Variants in TMOD1 observed in about 807,000 individuals in gnomAD.
TMOD1 encodes the protein tropomodulin 1.
TMOD1 carries 17 observed loss-of-function variants against 40.6 expected under a neutral mutation model. That is an observed-to-expected ratio of 0.42 (90% CI 0.29 to 0.63). The LOEUF is 0.63. TMOD1 is among the 20% of genes least tolerant of loss of function. TMOD1 has a pLI of 0.22. For missense variants in TMOD1, 391 were observed against 447.6 expected, an observed-to-expected ratio of 0.87 and a Z score of 1.14; for synonymous variants, 181 against 175.0, an observed-to-expected ratio of 1.03 and a Z score of -0.27.
At chr9:97,579,357 A>G (rs1275010929) in intron 8 of TMOD1, among the ~76,000 whole-genome samples, 1 of 152,132 alleles carries the variant, frequency 6.6e-6, no homozygotes, top group African/African-American at 2.4e-5. Context: ...CTCATGGTCT[A>G]CAGCAGCACT....
At chr9:97,566,098 G>A (rs2131267868) in intron 7 of TMOD1, 143 bp downstream of exon 7, 1 of 623,310 alleles carries the variant, frequency 1.6e-6, no homozygotes, top group East Asian at 2.9e-5. Flanking sequence ...GGAGCCATGA[G>A]GGGTGTAGAG....
chr9:97,590,950 TTTTAA>T, intron 8 of TMOD1, among the ~76,000 whole-genome samples: 1 of 152,094 alleles, frequency 6.6e-6, no homozygotes, highest in East Asian at 1.9e-4. Context: ...GACAGCAGGG[TTTTAA>T]AAGTCTCCTT....
rs1403625356 is a variant in TMOD1 at position 97,553,262 on chromosome 9, G to A, written c.278-19G>A. On this transcript the variant is annotated intron_variant, in intron 3 of 9. Transcript: ENST00000259365. ...TCCATTGCAGCCACTCCCGTAACAG[G>A]TCCCCTGTGTGTTTGCAGGAAAGGT... The A allele has an allele frequency of 3.1e-6, 5 of 1,613,572 alleles. No homozygotes were observed. In the African/African-American group the frequency reaches 6.7e-5, roughly 22 times the overall value.
At chr9:97,555,533 G>C in intron 4 of TMOD1, 2 of 1,471,874 alleles carry the variant, frequency 1.4e-6, no homozygotes, top group Non-Finnish European at 1.8e-6. Flanking sequence ...ATTGTTATCT[G>C]TAACGACGCA....
chr9:97,600,318 A>AG lies in TMOD1; in HGVS notation c.*622dup. 1.0e-6 allele frequency: 1 copy of AG among 986,166 alleles called. No individual in the cohort carries two copies. The highest frequency in any genetic ancestry group is 1.2e-6 in the Non-Finnish European group (1 of 830,180). 61.1% of individuals were successfully genotyped at this position (986,166 alleles called of 1,614,324 possible). On this transcript the variant is annotated 3_prime_UTR_variant, in exon 10 of 10. Coordinates refer to ENST00000259365, the MANE Select transcript of TMOD1 (RefSeq NM_003275.4). ...CTTTTGCTGGATATGCAGAAATGAT[A>AG]GGAAAAAAACCAATGGTGAAATTTC...
chr9:97,507,891 C>A (rs1829614749), intron 1 of TMOD1, among the ~76,000 whole-genome samples: 1 of 152,164 alleles, frequency 6.6e-6, no homozygotes, highest in Non-Finnish European at 1.5e-5. Context: ...ATTGTCAAGA[C>A]AGGCCACTAG....
chr9:97,596,554 A>G (rs1305415045), intron 9 of TMOD1, among the ~76,000 whole-genome samples: 2 of 152,228 alleles, frequency 1.3e-5, no homozygotes, highest in Non-Finnish European at 2.9e-5. Flanking sequence ...CTAGGGAAGT[A>G]GGTAATTAAC....
intron 7 of TMOD1, among the ~76,000 whole-genome samples, chr9:97,568,609 G>T (rs1313657586): frequency 6.6e-6 from 1 of 152,200 alleles, no homozygotes; most frequent in Non-Finnish European, 1.5e-5. Flanking sequence ...GGAGCTGCGA[G>T]TAGCCCCACT....
intron 2 of TMOD1, among the ~76,000 whole-genome samples, chr9:97,538,699 T>G (rs1830226783): frequency 6.6e-6 from 1 of 152,128 alleles, no homozygotes; most frequent in Non-Finnish European, 1.5e-5. Context: ...CTATGTGTAA[T>G]TAAGATTTTT....
chr9:97,583,052 T>G (rs1286732383), intron 8 of TMOD1, among the ~76,000 whole-genome samples: 1 of 148,480 alleles, frequency 6.7e-6, no homozygotes, highest in African/African-American at 2.6e-5. Flanking sequence ...ATACGAGTGG[T>G]GAGAGAGGGC....
chr9:97,572,211 C>G (rs1458816952), intron 8 of TMOD1, among the ~76,000 whole-genome samples: 1 of 152,152 alleles, frequency 6.6e-6, no homozygotes, highest in Non-Finnish European at 1.5e-5. Context: ...GCCATGGCAT[C>G]CCAGGTGCAG....
chr9:97,537,996 C>T (rs112373049), intron 2 of TMOD1, among the ~76,000 whole-genome samples: 1 of 152,190 alleles, frequency 6.6e-6, no homozygotes, highest in African/African-American at 2.4e-5. Context: ...AATATTTGGA[C>T]TACGTGTCAA....
At chr9:97,597,453 C>A (rs1379977300) in intron 9 of TMOD1, among the ~76,000 whole-genome samples, 2 of 151,610 alleles carry the variant, frequency 1.3e-5, no homozygotes, top group Non-Finnish European at 2.9e-5. Context: ...AATCCCAGCA[C>A]TTTGGGAAGC....
rs1829517639 is a variant in TMOD1 at position 97,502,415 on chromosome 9, C to A, written c.-49+612C>A. Among the ~76,000 whole-genome samples the A allele has an allele frequency of 6.6e-6, 1 of 152,216 alleles. No homozygotes were observed. The highest frequency in any genetic ancestry group is 1.5e-5 in the Non-Finnish European group (1 of 68,026). On this transcript the variant is annotated intron_variant, in intron 1 of 9. Transcript: ENST00000259365. This position sits in a 1 kb window ranked among gnomAD's most constrained non-coding sequence, Gnocchi z 6.1. The stretch of plus-strand genomic sequence containing the variant: ...ACACGCGCTACGCGGCCAAGTGGAG[C>A]TGGAAAGAGCTTGGAGGCGGGAGCC...
chr9:97,554,711 G>T (rs552325137), intron 4 of TMOD1, among the ~76,000 whole-genome samples: 1 of 152,218 alleles, frequency 6.6e-6, no homozygotes, highest in East Asian at 1.9e-4. Flanking sequence ...AGACTCAGAG[G>T]CATGTAAGCC....
At chr9:97,536,020 C>T (rs543778127) in intron 2 of TMOD1, among the ~76,000 whole-genome samples, 30 of 152,228 alleles carry the variant, frequency 2.0e-4, no homozygotes, top group Admixed American at 3.3e-4. Flanking sequence ...AACATCAAGA[C>T]GCTGTGACTG....
At chr9:97,521,449 T>G (rs1257252420) in intron 1 of TMOD1, among the ~76,000 whole-genome samples, 2 of 152,162 alleles carry the variant, frequency 1.3e-5, no homozygotes, top group Non-Finnish European at 1.5e-5. Flanking sequence ...TCTGGAAGAC[T>G]CCAAGCCCTT....
In TMOD1 at chr9:97,564,123, G is replaced by A. The variant is rs142871862; in HGVS notation, c.573G>A (p.Lys191=). 17 of 1,613,496 alleles carry A rather than the reference G, an allele frequency of 1.1e-5. No individual in the cohort carries two copies. The highest frequency in any genetic ancestry group is 1.7e-5 in the Admixed American group (1 of 59,910). Residue 191 remains lysine (K), a synonymous_variant, in exon 6 of 10, where the codon AAG becomes AAA. Transcript: ENST00000259365. ...TDVEETLERI[K]NNDPKLEEVN... is the part of the protein sequence containing the mutation. The stretch of plus-strand genomic sequence containing the variant: ...TAGAGGAAACGCTGGAACGGATAAA[G>A]AACAACGACCCAAAACTTGAAGAAG...
chr9:97,577,454 T>G (rs761745621), intron 8 of TMOD1, among the ~76,000 whole-genome samples: 2 of 152,138 alleles, frequency 1.3e-5, no homozygotes, highest in Non-Finnish European at 2.9e-5. Flanking sequence ...TGGGAAAAAT[T>G]TCTTAATACT....
Sources: allele counts gnomAD v4.1 joint callset (sites outside exome capture counted in the v4.1 genomes callset), GRCh38; gene constraint gnomAD v4.1.1; non-coding constraint Gnocchi (gnomAD v3.1); transcripts MANE v1.5; gene names NCBI Gene and HGNC (gene_info 2026-07-23, HGNC 2026-07-21).